The following KCNMA1 variants were observed in gnomAD, a reference collection of about 807,000 sequenced individuals.
KCNMA1 encodes potassium calcium-activated channel subfamily M alpha 1.
Under a neutral mutation model 140.0 loss-of-function variants are expected in KCNMA1, and 29 were observed. The ratio of observed to expected loss-of-function variants is 0.21; its 90% CI spans 0.15 to 0.28. The LOEUF is 0.28. Ranked by LOEUF, KCNMA1 falls within the 10% of genes least tolerant of loss-of-function variation. KCNMA1 has a pLI of 1.00. For missense variants in KCNMA1, 880 were observed against 1,602.2 expected, an observed-to-expected ratio of 0.55 and a Z score of 7.70; for synonymous variants, 612 against 611.9, an observed-to-expected ratio of 1.00 and a Z score of 0.00.
rs1419688928 is a variant in KCNMA1, at chr10:77,256,673, C to G, written c.541-5417G>C. On this transcript the variant is annotated intron_variant, in intron 2 of 27. Transcript: ENST00000286628. ...CAGGTTTTACACATTCTTCTCAGCT[C>G]ACAGCAGAACAAATGACCCTAATTA... Among the ~76,000 whole-genome samples the G allele has an allele frequency of 2.0e-5, 3 of 152,098 alleles. No individual in the cohort carries two copies. The East Asian group carries it at 5.8e-4, about 29-fold the overall frequency.
At chr10:77,389,306 T>A (rs1405312425) in intron 2 of KCNMA1, among the ~76,000 whole-genome samples, 1 of 152,198 alleles carries the variant, frequency 6.6e-6, no homozygotes, top group Non-Finnish European at 1.5e-5. Flanking sequence ...CACAGTAATG[T>A]TTCCTCGATC....
At chr10:77,075,638 C>T (rs1229071682) in intron 13 of KCNMA1, among the ~76,000 whole-genome samples, 1 of 152,204 alleles carries the variant, frequency 6.6e-6, no homozygotes, top group Non-Finnish European at 1.5e-5. Flanking sequence ...TCCACCTTGA[C>T]ACTTGGCCAT....
chr10:77,505,975 C>A (rs949415626), intron 1 of KCNMA1, among the ~76,000 whole-genome samples: 3 of 152,058 alleles, frequency 2.0e-5, no homozygotes, highest in Non-Finnish European at 2.9e-5. Flanking sequence ...AGTTGAGCCA[C>A]GAGGATTTGG....
intron 16 of KCNMA1, among the ~76,000 whole-genome samples, chr10:77,025,653 G>T (rs1040954193): frequency 6.6e-6 from 1 of 152,058 alleles, no homozygotes; most frequent in Non-Finnish European, 1.5e-5. Context: ...ACAGGTTAAA[G>T]AAGGTGGGAA....
At chr10:77,057,444 G>A (rs1469936672) in intron 14 of KCNMA1, among the ~76,000 whole-genome samples, 1 of 152,000 alleles carries the variant, frequency 6.6e-6, no homozygotes, top group Non-Finnish European at 1.5e-5. Flanking sequence ...ATACTAAAAG[G>A]AAGGAAACAA....
chr10:77,290,561 A>C (rs2072859905), intron 2 of KCNMA1, among the ~76,000 whole-genome samples: 1 of 152,208 alleles, frequency 6.6e-6, no homozygotes, highest in South Asian at 2.1e-4. Context: ...CCCATTACCC[A>C]ATTATTCACG....
At chr10:77,568,473 A>AC (rs2154560365) in intron 1 of KCNMA1, among the ~76,000 whole-genome samples, 1 of 152,278 alleles carries the variant, frequency 6.6e-6, no homozygotes, top group African/African-American at 2.4e-5. Context: ...AACAGAACCA[A>AC]AGACAAAAAC....
At position 76,886,015 on chromosome 10, in the gene KCNMA1, C is replaced by G. The variant is rs200247585; in HGVS notation, c.*1251G>C. The G allele has an allele frequency of 2.0e-6, 2 of 985,326 alleles. No homozygotes were observed. Among genetic ancestry groups the G allele is most frequent in the Non-Finnish European group, 2.4e-6 (2 of 829,954 alleles). 61.0% of individuals were successfully genotyped at this position (985,326 alleles called of 1,614,324 possible). A position where few individuals can be genotyped will look rare whatever the true frequency, so the allele number is the denominator to read the frequency against. ...ATGATGAGGAATTCCTTCCCACCAG[C>G]TTTCTGCATTGGGACAGCCAGCACC... On this transcript the variant is annotated 3_prime_UTR_variant, in exon 28 of 28. Transcript: ENST00000286628.
chr10:77,394,109 A>C (rs1244290168), intron 2 of KCNMA1, among the ~76,000 whole-genome samples: 1 of 152,220 alleles, frequency 6.6e-6, no homozygotes, highest in South Asian at 2.1e-4. Flanking sequence ...ATGCACCTGG[A>C]AACTTCAGAG....
intron 3 of KCNMA1, among the ~76,000 whole-genome samples, chr10:77,223,013 A>T (rs2050168851): frequency 6.6e-6 from 1 of 152,064 alleles, no homozygotes; most frequent in Admixed American, 6.6e-5. Context: ...GCAGATCACA[A>T]GGTCAGGAGT....
chr10:76,944,487 T>G (rs1487677729), intron 23 of KCNMA1, among the ~76,000 whole-genome samples: 1 of 152,152 alleles, frequency 6.6e-6, no homozygotes, highest in Non-Finnish European at 1.5e-5. Context: ...ATGACACTGG[T>G]CATGAAGCCA....
intron 1 of KCNMA1, among the ~76,000 whole-genome samples, chr10:77,592,830 C>T (rs546309763): frequency 6.6e-6 from 1 of 152,332 alleles, no homozygotes; most frequent in South Asian, 2.1e-4. Flanking sequence ...CCTCACAGTC[C>T]TGCAGCTGTG....
rs980631137 is a variant in KCNMA1 at position 77,345,890 on chromosome 10, T to C, written c.540+57972A>G. On this transcript the variant is annotated intron_variant, in intron 2 of 27. Transcript: ENST00000286628. ...AATGAGGGATCCCCATTCTCCTACC[T>C]ACCTTGGCCTTGTCATCATCTCTCA... 9.9e-5 allele frequency among the ~76,000 whole-genome samples: 15 copies of C among 152,166 alleles called. No homozygotes were observed. The South Asian group carries it at 1.9e-3, about 19-fold the overall frequency.
chr10:77,220,450 A>G (rs1013961000), intron 3 of KCNMA1, among the ~76,000 whole-genome samples: 1 of 152,218 alleles, frequency 6.6e-6, no homozygotes, highest in Admixed American at 6.5e-5. Context: ...GGATGGATGT[A>G]CTGCCTTTCT....
Position 77,169,549 on chromosome 10 carries a change from C to T in KCNMA1, c.808+13872G>A, listed in dbSNP as rs149227204. On this transcript the variant is annotated intron_variant, in intron 5 of 27. Transcript: ENST00000286628. ...GGACCACAGGTATGTGCCACCATGC[C>T]GGGCTAATTTTTTAAAAAAATTTTT... Among the ~76,000 whole-genome samples, 433 of 152,034 alleles carry T rather than the reference C, an allele frequency of 2.8e-3. 1 individual carries two copies. Among genetic ancestry groups the T allele is most frequent in the Middle Eastern group, 6.8e-3 (2 of 294 alleles).
intron 19 of KCNMA1, among the ~76,000 whole-genome samples, chr10:76,976,119 T>A (rs2077433938): frequency 6.6e-6 from 1 of 152,170 alleles, no homozygotes; most frequent in Non-Finnish European, 1.5e-5. Context: ...TTTTAAAAAA[T>A]CTATCGTTAT....
chr10:77,044,594 A>G (rs2094931293), intron 14 of KCNMA1, among the ~76,000 whole-genome samples: 1 of 152,194 alleles, frequency 6.6e-6, no homozygotes, highest in Admixed American at 6.5e-5. Flanking sequence ...GGCTGCAGTG[A>G]GCTATGACTG....
intron 1 of KCNMA1, among the ~76,000 whole-genome samples, chr10:77,428,921 A>G (rs1007783098): frequency 2.0e-5 from 3 of 152,174 alleles, no homozygotes; most frequent in Non-Finnish European, 4.4e-5. Flanking sequence ...ACCACAGAGC[A>G]AAGCGAGCTG....
At chr10:76,923,350 A>C (rs2056567900) in intron 23 of KCNMA1, among the ~76,000 whole-genome samples, 1 of 150,850 alleles carries the variant, frequency 6.6e-6, no homozygotes, top group South Asian at 2.1e-4. Context: ...AATGGCCTGA[A>C]CCCGGGAGGC....
Sources: allele counts gnomAD v4.1 joint callset (sites outside exome capture counted in the v4.1 genomes callset), GRCh38; gene constraint gnomAD v4.1.1; transcripts MANE v1.5; gene names NCBI Gene and HGNC (gene_info 2026-07-23, HGNC 2026-07-21).